RIMS1: variants seen among roughly 807,000 people sequenced by gnomAD.
RIMS1 encodes regulating synaptic membrane exocytosis protein 1.
Under a neutral mutation model 214.1 loss-of-function variants are expected in RIMS1, and 83 were observed. The observed-to-expected ratio is 0.39, with a 90% CI of 0.32 to 0.47. The LOEUF (loss-of-function observed/expected upper bound fraction) is 0.47, where lower values mean the gene tolerates loss of function less well. RIMS1 is among the 20% of genes least tolerant of loss of function. The pLI, the probability that RIMS1 is intolerant of heterozygous loss-of-function variation, is 0.99. For synonymous variants in RIMS1, 793 were observed against 786.8 expected, an observed-to-expected ratio of 1.01 and a Z score of -0.13; for missense variants, 2,050 against 2,161.8, an observed-to-expected ratio of 0.95 and a Z score of 1.03.
intron 2 of RIMS1, among the ~76,000 whole-genome samples, chr6:72,067,439 C>T (rs565281556): frequency 7.2e-5 from 11 of 152,258 alleles, no homozygotes; most frequent in African/African-American, 2.4e-4. Flanking sequence ...TGACCTGTTG[C>T]CTCACCTTAT....
chr6:72,053,904 T>G (rs1442372542), intron 2 of RIMS1, among the ~76,000 whole-genome samples: 3 of 152,142 alleles, frequency 2.0e-5, no homozygotes, highest in Non-Finnish European at 4.4e-5. Context: ...ATTGTATTAT[T>G]TTTATTTTTA....
intron 29 of RIMS1, among the ~76,000 whole-genome samples, chr6:72,385,537 G>A (rs1230725652): frequency 1.3e-5 from 2 of 152,138 alleles, no homozygotes; most frequent in African/African-American, 4.8e-5. Context: ...TTGTATAATG[G>A]AATGATTGCA....
chr6:72,102,584 G>C (rs983745863), intron 4 of RIMS1, among the ~76,000 whole-genome samples: 1 of 151,966 alleles, frequency 6.6e-6, no homozygotes, highest in Non-Finnish European at 1.5e-5. Flanking sequence ...AAATAAATAT[G>C]CTTTTATAGA....
At chr6:72,361,292 G>A (rs2097814510) in intron 29 of RIMS1, among the ~76,000 whole-genome samples, 1 of 151,324 alleles carries the variant, frequency 6.6e-6, no homozygotes. Context: ...TTTTAGTAGA[G>A]ACGGGGTTTC....
chr6:71,974,782 C>G (rs1796749363), intron 2 of RIMS1, among the ~76,000 whole-genome samples: 2 of 152,110 alleles, frequency 1.3e-5, no homozygotes, highest in Admixed American at 1.3e-4. Flanking sequence ...GTATTAGTAG[C>G]CAAGGAAATC....
At chr6:72,088,553 C>T (rs184768932) in intron 2 of RIMS1, among the ~76,000 whole-genome samples, 14 of 152,138 alleles carry the variant, frequency 9.2e-5, no homozygotes, top group South Asian at 2.1e-4. Flanking sequence ...CCACTGTGCC[C>T]GGTCACTTGA....
intron 1 of RIMS1, among the ~76,000 whole-genome samples, chr6:71,887,888 G>A (rs1768310898): frequency 6.6e-6 from 1 of 152,174 alleles, no homozygotes; most frequent in East Asian, 1.9e-4. Flanking sequence ...AATCATGGGA[G>A]AAGCTGACAG....
intron 23 of RIMS1, among the ~76,000 whole-genome samples, chr6:72,281,369 T>C (rs1385107363): frequency 6.6e-6 from 1 of 152,168 alleles, no homozygotes; most frequent in African/African-American, 2.4e-5. Flanking sequence ...ACAACAATCA[T>C]TGATTACTGT....
intron 6 of RIMS1, among the ~76,000 whole-genome samples, chr6:72,223,946 TCAA>T (rs772773635): frequency 0.046 from 1,639 of 35,766 alleles, 9 homozygotes; most frequent in Non-Finnish European, 0.054. Context: ...AGACTCCGTC[TCAA>T]AAAAAAAAAA....
At chr6:72,149,704 A>G (rs528235401) in intron 4 of RIMS1, among the ~76,000 whole-genome samples, 1 of 152,356 alleles carries the variant, frequency 6.6e-6, no homozygotes, top group African/African-American at 2.4e-5. Context: ...TCACCCTCTG[A>G]CAATCCTGGA....
intron 1 of RIMS1, among the ~76,000 whole-genome samples, chr6:71,924,413 G>A (rs1385104017): frequency 1.3e-5 from 2 of 152,004 alleles, no homozygotes; most frequent in East Asian, 3.9e-4. Flanking sequence ...TAAAGAGGAC[G>A]TAAAGATTGT....
intron 26 of RIMS1, among the ~76,000 whole-genome samples, chr6:72,292,450 T>A (rs920046305): frequency 6.6e-6 from 1 of 152,180 alleles, no homozygotes; most frequent in African/African-American, 2.4e-5. Context: ...ACAAATTTTT[T>A]AATTTAACTT....
At chr6:72,297,475 A>G (rs558361216) in intron 26 of RIMS1, among the ~76,000 whole-genome samples, 9 of 152,022 alleles carry the variant, frequency 5.9e-5, no homozygotes, top group Non-Finnish European at 1.2e-4. Context: ...AGCTGTACCT[A>G]GCTAAATAAA....
At chr6:72,006,692 C>T (rs1017688347) in intron 2 of RIMS1, among the ~76,000 whole-genome samples, 8 of 152,366 alleles carry the variant, frequency 5.3e-5, no homozygotes, top group Admixed American at 2.0e-4. Context: ...GTGCCTGGCT[C>T]GGAGGGTCCT....
chr6:72,059,798 T>C (rs1210800435), intron 2 of RIMS1, among the ~76,000 whole-genome samples: 2 of 152,266 alleles, frequency 1.3e-5, no homozygotes. Context: ...TGAATTATTT[T>C]AAATTTATGA....
intron 26 of RIMS1, among the ~76,000 whole-genome samples, chr6:72,298,231 A>G (rs947223253): frequency 6.6e-6 from 1 of 152,024 alleles, no homozygotes; most frequent in Non-Finnish European, 1.5e-5. Flanking sequence ...TCAAAGCATT[A>G]CTAATGGTAG....
intron 2 of RIMS1, among the ~76,000 whole-genome samples, chr6:72,006,235 A>T (rs1807566440): frequency 6.6e-6 from 1 of 152,174 alleles, no homozygotes; most frequent in Admixed American, 6.5e-5. Context: ...GGGGATTAAT[A>T]TTTCAACATA....
intron 2 of RIMS1, among the ~76,000 whole-genome samples, chr6:71,999,767 T>A (rs1250261902): frequency 1.3e-5 from 2 of 152,112 alleles, no homozygotes; most frequent in Non-Finnish European, 2.9e-5. Context: ...TCTAATTACT[T>A]TTTGTTGGTT....
chr6:72,154,542 C>T (rs2044191201), intron 4 of RIMS1, among the ~76,000 whole-genome samples: 1 of 140,638 alleles, frequency 7.1e-6, no homozygotes, highest in Non-Finnish European at 1.6e-5. Context: ...GAATGAGTAA[C>T]ATCAGCAAGA....
Sources: gnomAD v4.1 joint callset for allele counts (sites outside exome capture counted in the v4.1 genomes callset) on GRCh38, gnomAD v4.1.1 for gene constraint, MANE v1.5 for transcripts, NCBI Gene and HGNC (gene_info 2026-07-23, HGNC 2026-07-21) for gene names.